Variants in SLC7A11 observed in about 807,000 individuals in gnomAD.
The protein encoded by SLC7A11 is cystine/glutamate transporter.
In SLC7A11, 35 loss-of-function variants were observed where a neutral mutation model predicts 54.5. The observed-to-expected ratio is 0.64, with a 90% CI of 0.49 to 0.85. SLC7A11 has a LOEUF of 0.85. Among genes scored for constraint, SLC7A11 ranks in the 40% least tolerant of loss-of-function variants. The pLI is 0.00. For missense variants in SLC7A11, 583 were observed against 618.1 expected, an observed-to-expected ratio of 0.94 and a Z score of 0.60; for synonymous variants, 230 against 225.2, an observed-to-expected ratio of 1.02 and a Z score of -0.19.
chr4:138,223,711 T>C (rs1737873762), intron 3 of SLC7A11, among the ~76,000 whole-genome samples: 1 of 152,168 alleles, frequency 6.6e-6, no homozygotes, highest in Non-Finnish European at 1.5e-5. Flanking sequence ...GTGACAACTC[T>C]TTCCTGTCTC....
intron 6 of SLC7A11, among the ~76,000 whole-genome samples, chr4:138,195,498 C>G (rs1014895470): frequency 6.6e-6 from 1 of 152,098 alleles, no homozygotes; most frequent in African/African-American, 2.4e-5. Context: ...CTCACGGAAT[C>G]TAAAATTCAA....
rs774659935 is a variant in SLC7A11 at position 138,214,645 on chromosome 4, TA to T, written c.747-17del. On this transcript the variant is annotated splice_polypyrimidine_tract_variant and intron_variant, in intron 5 of 11. Transcript: ENST00000280612. Reference sequence around the variant, plus strand: ...GAGGTAAAACCTAAAAATAGATAAATAAATTATAAACTATTAATATATTTTA... The same window carrying T: ...GAGGTAAAACCTAAAAATAGATAAATAATTATAAACTATTAATATATTTTA... The T allele has an allele frequency of 1.8e-5, 19 of 1,047,652 alleles. No individual in the cohort carries two copies. Among genetic ancestry groups the T allele is most frequent in the African/African-American group, 3.4e-5 (2 of 59,354 alleles). The allele number at this position is 1,047,652 out of a possible 1,614,324, so 64.9% of individuals were successfully genotyped here.
chr4:138,175,814 C>G (rs1422695105), intron 11 of SLC7A11: 1 of 152,052 alleles, frequency 6.6e-6, no homozygotes, highest in Admixed American at 6.6e-5. Flanking sequence ...TATTTGGTTA[C>G]CTCTCATTTT....
In SLC7A11 at chr4:138,185,157, A is replaced by G. The variant is rs1330317970; in HGVS notation, c.879T>C (p.Asn293=). ...CATTTGAAAGCAGCAGCTCCTCAGC[A>G]TTAATGGTCGTAAAGTAGGCCACAT... ...LTNVAYFTTI[N]AEELLLSNAV... The change falls in exon 7 of 12, where the codon AAT becomes AAC. Residue 293 remains asparagine (N), a synonymous_variant. Coordinates refer to ENST00000280612, the MANE Select transcript of SLC7A11 (RefSeq NM_014331.4). 1 of 1,612,912 alleles carries G rather than the reference A, an allele frequency of 6.2e-7. No homozygotes were observed. The highest frequency in any genetic ancestry group is 8.5e-7 in the Non-Finnish European group (1 of 1,179,268).
chr4:138,218,313 T>G (rs1043305060), intron 5 of SLC7A11, among the ~76,000 whole-genome samples: 1 of 152,240 alleles, frequency 6.6e-6, no homozygotes, highest in African/African-American at 2.4e-5. Context: ...TAGATCATTC[T>G]CACAGCTAAA....
chr4:138,190,789 T>C (rs373088521), intron 6 of SLC7A11, among the ~76,000 whole-genome samples: 7 of 152,272 alleles, frequency 4.6e-5, no homozygotes, highest in African/African-American at 1.2e-4. Context: ...CAGTCCTATC[T>C]GCCTCTCTGA....
chr4:138,182,906 T>A (rs531994619), intron 8 of SLC7A11, among the ~76,000 whole-genome samples: 2 of 152,224 alleles, frequency 1.3e-5, no homozygotes, highest in Admixed American at 1.3e-4. Context: ...CTTGGCATCT[T>A]CAGAGAAACA....
chr4:138,185,068 G>A, intron 7 of SLC7A11, 53 bp downstream of exon 7: 1 of 1,597,232 alleles, frequency 6.3e-7, no homozygotes, highest in Non-Finnish European at 8.6e-7. Flanking sequence ...CTATAAAATT[G>A]CATCAGCTCA....
In SLC7A11 at chr4:138,241,938, G is replaced by C; in HGVS notation, c.132C>G (p.Val44=). The change falls in exon 1 of 12, where the codon GTC becomes GTG. Residue 44 remains valine, a synonymous_variant. Transcript: ENST00000280612. ...TAATGGAGACTCCCCTCAGTAAAGT[G>C]ACTTTCCTCTTCAGCTGCACTTTCT... The part of the protein sequence containing the change: ...GQEKVQLKRK[V]TLLRGVSIII... 2 of 1,614,076 alleles carry C rather than the reference G, an allele frequency of 1.2e-6. No individual in the cohort carries two copies. The highest frequency in any genetic ancestry group is 1.7e-6 in the Non-Finnish European group (2 of 1,179,996).
chr4:138,206,307 A>G (rs867084827), intron 6 of SLC7A11, among the ~76,000 whole-genome samples: 2 of 151,412 alleles, frequency 1.3e-5, no homozygotes. Context: ...AAGATAGGAT[A>G]AAATTAAACC....
chr4:138,222,856 A>G (rs983034500), intron 4 of SLC7A11, among the ~76,000 whole-genome samples: 7 of 138,342 alleles, frequency 5.1e-5, no homozygotes, highest in African/African-American at 1.9e-4. Flanking sequence ...TTATTGGACA[A>G]TTTTAAAGTA....
chr4:138,208,602 A>G (rs933146321), intron 6 of SLC7A11, among the ~76,000 whole-genome samples: 2 of 152,098 alleles, frequency 1.3e-5, no homozygotes, highest in African/African-American at 2.4e-5. Flanking sequence ...ACAAATGTAC[A>G]CAGTAGCAAT....
intron 6 of SLC7A11, among the ~76,000 whole-genome samples, chr4:138,200,613 A>G (rs1055418181): frequency 2.0e-5 from 3 of 152,150 alleles, no homozygotes; most frequent in African/African-American, 7.2e-5. Flanking sequence ...ATTTGGAAAG[A>G]GTACTAGAAA....
At chr4:138,192,980 T>C (rs1737046576) in intron 6 of SLC7A11, among the ~76,000 whole-genome samples, 1 of 152,168 alleles carries the variant, frequency 6.6e-6, no homozygotes, top group African/African-American at 2.4e-5. Context: ...TAGATATATA[T>C]GTTTTGGCAT....
At chr4:138,213,701 A>G (rs1343639866) in intron 6 of SLC7A11, among the ~76,000 whole-genome samples, 1 of 152,022 alleles carries the variant, frequency 6.6e-6, no homozygotes, top group Non-Finnish European at 1.5e-5. Context: ...TAAATAATCT[A>G]TTTTGGTACC....
chr4:138,214,014 T>C (rs1421092090), intron 6 of SLC7A11, among the ~76,000 whole-genome samples: 1 of 152,106 alleles, frequency 6.6e-6, no homozygotes, highest in African/African-American at 2.4e-5. Context: ...ATTTTGAAAA[T>C]ATTACATAAA....
chr4:138,227,782 A>T (rs983134185), intron 3 of SLC7A11, among the ~76,000 whole-genome samples: 1 of 152,190 alleles, frequency 6.6e-6, no homozygotes, highest in African/African-American at 2.4e-5. Flanking sequence ...TTCTCTCTGC[A>T]AAAGTTCACA....
chr4:138,241,704 C>T, intron 1 of SLC7A11, 89 bp downstream of exon 1: 1 of 1,064,226 alleles, frequency 9.4e-7, no homozygotes. Flanking sequence ...GCCATCCATT[C>T]ACTCCTCAAA....
At chr4:138,237,714 TATATATATATATATA>T (rs1738249744) in intron 1 of SLC7A11, among the ~76,000 whole-genome samples, 1 of 6,906 alleles carries the variant, frequency 1.4e-4, no homozygotes, top group African/African-American at 4.3e-4. Flanking sequence ...TATATATATA[TATATATATATATATA>T]TATATATATT....
Sources: allele counts gnomAD v4.1 joint callset (sites outside exome capture counted in the v4.1 genomes callset), GRCh38; gene constraint gnomAD v4.1.1; transcripts MANE v1.5; gene names NCBI Gene and HGNC (gene_info 2026-07-23, HGNC 2026-07-21).